PRMT5: variants seen among roughly 807,000 people sequenced by gnomAD.
PRMT5 encodes the protein protein arginine methyltransferase 5.
PRMT5 carries 15 observed loss-of-function variants against 84.0 expected under a neutral mutation model. The observed-to-expected ratio is 0.18, with a 90% CI of 0.12 to 0.28. The LOEUF is 0.28. PRMT5 is among the 10% of genes least tolerant of loss of function. The pLI is 1.00. For missense variants in PRMT5, 486 were observed against 808.0 expected (o/e 0.60, Z 4.83); for synonymous variants, 276 against 292.4 (o/e 0.94, Z 0.57).
chr14:22,928,118 A>T lies in PRMT5; in HGVS notation c.315+8T>A. ...GAAAAATCCAGCAGAGAAGTCAAAC[A>T]GTCTTACCGCCTCGGAGTTCCTGCG... On this transcript the variant is annotated splice_region_variant and intron_variant, in intron 3 of 16. Coordinates refer to ENST00000324366, the MANE Select transcript of PRMT5 (RefSeq NM_006109.5). The surrounding 1 kb of genome is among the most constrained non-coding windows in gnomAD (Gnocchi z 4.8). 1 of 1,611,868 alleles carries T rather than the reference A, an allele frequency of 6.2e-7. No homozygotes were observed. Among genetic ancestry groups the T allele is most frequent in the Non-Finnish European group, 8.5e-7 (1 of 1,178,932 alleles).
Position 22,923,258 on chromosome 14 carries a change from C to CT in PRMT5, c.1376-99_1376-98insA. On this transcript the variant is annotated intron_variant, in intron 12 of 16. Transcript: ENST00000324366. The surrounding 1 kb of genome is among the most constrained non-coding windows in gnomAD (Gnocchi z 5.2). ...AGGATCAAACCTCCCATGTCAAAAC[C>CT]AACCAACGTTGGCATGGGCATGGAA... The CT allele has an allele frequency of 2.3e-6, 2 of 871,704 alleles. No individual in the cohort carries two copies. The highest frequency in any genetic ancestry group is 3.5e-6 in the Non-Finnish European group (2 of 575,524). The allele number at this position is 871,704 out of a possible 1,614,324, so 54.0% of individuals were successfully genotyped here.
intron 7 of PRMT5, 110 bp from the exon 8 acceptor site, chr14:22,925,150 TC>T (rs371353552): frequency 2.9e-5 from 29 of 1,004,448 alleles, no homozygotes; most frequent in Admixed American, 9.9e-5. Context: ...TCAACAGTTC[TC>T]TTTTTTTTTT....
In PRMT5 at chr14:22,922,723, C is replaced by G. The variant is rs927271623; in HGVS notation, c.1579+19G>C. 1 of 1,608,806 alleles carries G rather than the reference C, an allele frequency of 6.2e-7. No homozygotes were observed. Among genetic ancestry groups the G allele is most frequent in the Non-Finnish European group, 8.5e-7 (1 of 1,175,296 alleles). Reference sequence around the variant, plus strand: ...AGCCCGTACCCCTCTAGTCAGAGGACAGCCATAAAAGAACCTACCTCTGTT... The same window carrying G: ...AGCCCGTACCCCTCTAGTCAGAGGAGAGCCATAAAAGAACCTACCTCTGTT... On this transcript the variant is annotated intron_variant, in intron 14 of 16. Transcript: ENST00000324366.
At position 22,927,625 on chromosome 14, in the gene PRMT5, C is replaced by T; in HGVS notation, c.351G>A (p.Leu117=). The T allele has an allele frequency of 6.2e-7, 1 of 1,613,428 alleles. No homozygotes were observed. Among genetic ancestry groups the T allele is most frequent in the Non-Finnish European group, 8.5e-7 (1 of 1,179,822 alleles). The change falls in exon 4 of 17, where the codon TTG becomes TTA. Residue 117 remains leucine, a synonymous_variant. Coordinates refer to ENST00000324366, the MANE Select transcript of PRMT5 (RefSeq NM_006109.5). The part of the protein sequence containing the change: ...MLQELNFGAY[L]GLPAFLLPLN... Reference sequence around the variant, plus strand: ...GGGGCAGCAGGAAAGCTGGAAGACCCAAATATGCACCAAAATTCAGCTCCT... The same window carrying T: ...GGGGCAGCAGGAAAGCTGGAAGACCTAAATATGCACCAAAATTCAGCTCCT...
At position 22,925,029 on chromosome 14, in the gene PRMT5, C is replaced by G; in HGVS notation, c.789G>C (p.Gln263His). The G allele has an allele frequency of 6.2e-7, 1 of 1,613,898 alleles. No individual in the cohort carries two copies. Among genetic ancestry groups the G allele is most frequent in the Non-Finnish European group, 8.5e-7 (1 of 1,179,892 alleles). Reference sequence around the variant, plus strand: ...GGTGGTTGGTGCCTGTGATGATGAACTGCACCTCCAACTGTGAGAAAAGTC... The same window carrying G: ...GGTGGTTGGTGCCTGTGATGATGAAGTGCACCTCCAACTGTGAGAAAAGTC... ...LIFRLLKLEV[Q>H]FIITGTNHHS... The change falls in exon 8 of 17, where the codon CAG becomes CAC. Residue 263 changes from glutamine (Q) to histidine (H), a missense_variant. Physicochemically the swap from Gln to His is conservative, Grantham distance 24. Around this residue, in one of 4 missense-constraint regions of PRMT5, gnomAD observed 215 missense variants for 301.1 expected, o/e 0.71. Coordinates refer to ENST00000324366, the MANE Select transcript of PRMT5 (RefSeq NM_006109.5).
chr14:22,921,161 C>G (rs2044288144), intron 16 of PRMT5, 105 bp from the exon 17 acceptor site: 9 of 1,381,710 alleles, frequency 6.5e-6, no homozygotes, highest in Non-Finnish European at 9.0e-6. Flanking sequence ...CAAGACTGTC[C>G]CAACCCTCAT....
chr14:22,926,012 C>T (rs2044410355), intron 7 of PRMT5, 121 bp downstream of exon 7: 2 of 1,120,888 alleles, frequency 1.8e-6, no homozygotes, highest in Non-Finnish European at 2.5e-6. Context: ...CCCAACTTCA[C>T]TGAAATTGCT....
At chr14:22,929,100 G>A in intron 1 of PRMT5, 152 bp downstream of exon 1, 1 of 1,582,426 alleles carries the variant, frequency 6.3e-7, no homozygotes, top group Non-Finnish European at 8.6e-7. Flanking sequence ...CACGTTACTG[G>A]GTCCGAGGCT....
intron 1 of PRMT5, 66 bp downstream of exon 1, chr14:22,929,186 C>G (rs1352383692): frequency 6.2e-6 from 10 of 1,614,006 alleles, no homozygotes; most frequent in East Asian, 2.2e-5. Context: ...TCCGGGATGA[C>G]TAGTCTGCCC....
At position 22,922,771 on chromosome 14, in the gene PRMT5, G is replaced by C. The variant is rs777280106; in HGVS notation, c.1550C>G (p.Pro517Arg). 8 of 1,613,930 alleles carry C rather than the reference G, an allele frequency of 5.0e-6. No individual in the cohort carries two copies. The highest frequency in any genetic ancestry group is 6.8e-6 in the Non-Finnish European group (8 of 1,180,022). ...GTTGGGATGGCTGAAGGTGAAACAG[G>C]GCTGGGGTGCAGAGAGCTGGTGGAA... ...HNFHQLSAPQ[P>R]CFTFSHPNRD... The change falls in exon 14 of 17, where the codon CCC (proline) becomes CGC (arginine). Residue 517 changes from proline (P) to arginine (R), a missense_variant. Around this residue, in one of 4 missense-constraint regions of PRMT5, gnomAD observed 219 missense variants for 433.6 expected, o/e 0.51. Transcript: ENST00000324366.
In PRMT5 at chr14:22,927,987, G is replaced by A. The variant is rs940948716; in HGVS notation, c.315+139C>T. The A allele has an allele frequency of 5.1e-6, 4 of 781,384 alleles. No homozygotes were observed. The African/African-American group carries it at 5.3e-5, about 10-fold the overall frequency. The allele number at this position is 781,384 out of a possible 1,614,324, so 48.4% of individuals were successfully genotyped here. ...GCCTCCCAAAGTGCTAGGATTATAG[G>A]TGTGCACCACAGCACCCAGCCTAAT... On this transcript the variant is annotated intron_variant, in intron 3 of 16. Transcript: ENST00000324366.
intron 4 of PRMT5, 25 bp from the exon 5 acceptor site, chr14:22,926,839 A>C: frequency 6.5e-7 from 1 of 1,548,104 alleles, no homozygotes; most frequent in Non-Finnish European, 8.9e-7. Flanking sequence ...TCACCCTTTT[A>C]GAACTCTCTT....
Position 22,928,088 on chromosome 14 carries a change from G to A in PRMT5, c.315+38C>T, listed in dbSNP as rs779627121. ...GGGGACCACTCTCCCCACCCAGCTT[G>A]GTTAGAAAAATCCAGCAGAGAAGTC... On this transcript the variant is annotated intron_variant, in intron 3 of 16. Transcript: ENST00000324366. This position sits in a 1 kb window ranked among gnomAD's most constrained non-coding sequence, Gnocchi z 4.8. The A allele has an allele frequency of 1.3e-6, 2 of 1,573,626 alleles. No individual in the cohort carries two copies. Among genetic ancestry groups the A allele is most frequent in the Middle Eastern group, 1.7e-4 (1 of 5,958 alleles).
intron 16 of PRMT5, among the ~76,000 whole-genome samples, chr14:22,921,832 A>G (rs2044303747): frequency 6.6e-6 from 1 of 150,844 alleles, no homozygotes; most frequent in South Asian, 2.1e-4. Flanking sequence ...CAGTGAGCCG[A>G]AATTGTGCCA....
chr14:22,926,543 G>C lies in PRMT5; in HGVS notation c.576C>G (p.Phe192Leu), dbSNP rs761581375. The change falls in exon 6 of 17, where the codon TTC becomes TTG. Residue 192 changes from phenylalanine to leucine, a missense_variant. Physicochemically the swap from Phe to Leu is conservative, Grantham distance 22 (BLOSUM62 0). Coordinates refer to ENST00000324366, the MANE Select transcript of PRMT5 (RefSeq NM_006109.5). ...EEKTWMWWHNFRTLCDYSKRI... is the reference protein window; with the variant it reads ...EEKTWMWWHNLRTLCDYSKRI... ...TCTTACTATAGTCACACAAAGTCCG[G>C]AAGTTGTGCCACCTGTTCAGTCAAA... 2.9e-5 allele frequency: 47 copies of C among 1,614,016 alleles called. No homozygotes were observed. The highest frequency in any genetic ancestry group is 4.0e-5 in the Non-Finnish European group (47 of 1,180,032).
At chr14:22,927,872 C>T (rs2044460969) in intron 3 of PRMT5, among the ~76,000 whole-genome samples, 1 of 151,872 alleles carries the variant, frequency 6.6e-6, no homozygotes, top group South Asian at 2.1e-4. Flanking sequence ...CCATGCCTGG[C>T]TAATTTTTGT....
In PRMT5 at chr14:22,926,809, C is replaced by A; in HGVS notation, c.456G>T (p.Trp152Cys). 6.2e-7 allele frequency: 1 copy of A among 1,610,024 alleles called. No individual in the cohort carries two copies. Among genetic ancestry groups the A allele is most frequent in the Non-Finnish European group, 8.5e-7 (1 of 1,176,280 alleles). Residue 152 changes from tryptophan to cysteine, a missense_variant, in exon 5 of 17, where the codon TGG becomes TGT. Physicochemically the swap from Trp to Cys is radical, Grantham distance 215. This residue lies in a region of PRMT5 where 215 missense variants were observed against 301.1 expected (regional missense o/e 0.71). Transcript: ENST00000324366. ...CTGGTGCCACCAAGGGTACCCGCAT[C>A]CAGAACTGCACATGAACAGTCACCC... ...IHTGHHSSMF[W>C]MRVPLVAPED...
At chr14:22,929,002 G>T in intron 1 of PRMT5, 1 of 817,296 alleles carries the variant, frequency 1.2e-6, no homozygotes, top group Non-Finnish European at 1.9e-6. Context: ...GACAATAATC[G>T]CGACCTCCAG....
At chr14:22,921,265 A>C (rs2044290594) in intron 16 of PRMT5, 1 of 604,882 alleles carries the variant, frequency 1.7e-6, no homozygotes. Flanking sequence ...TATGAAAGGG[A>C]ACACTAACCT....
Sources: gnomAD v4.1 joint callset for allele counts (sites outside exome capture counted in the v4.1 genomes callset) on GRCh38, gnomAD v4.1.1 for gene constraint, gnomAD v4.1.1 regional missense constraint, Gnocchi (gnomAD v3.1) non-coding constraint, MANE v1.5 for transcripts, NCBI Gene and HGNC (gene_info 2026-07-23, HGNC 2026-07-21) for gene names.